Variants in FGF13 observed in about 807,000 individuals in gnomAD.
The protein encoded by FGF13 is fibroblast growth factor homologous factor 2.
FGF13 carries 2 observed loss-of-function variants against 19.5 expected under a neutral mutation model. The observed-to-expected ratio is 0.10, with a 90% confidence interval of 0.04 to 0.32. The LOEUF is 0.32. FGF13 is among the 10% of genes least tolerant of loss of function. The pLI is 1.00. For synonymous variants in FGF13, 72 were observed against 76.9 expected, an observed-to-expected ratio of 0.94 and a Z score of 0.33; for missense variants, 113 against 192.7, an observed-to-expected ratio of 0.59 and a Z score of 2.45.
At chrX:139,203,243 G>A (rs1174887492) in intron 1 of FGF13, among the ~76,000 whole-genome samples, 1 of 111,369 alleles carries the variant, frequency 9.0e-6, no homozygotes, top group African/African-American at 3.3e-5. Context: ...GGTGCCCCGG[G>A]CGCGGTGGCT....
At chrX:138,679,239 G>A (rs970667795) in intron 3 of FGF13, among the ~76,000 whole-genome samples, 3 of 109,899 alleles carry the variant, frequency 2.7e-5, no homozygotes, top group Non-Finnish European at 3.8e-5. Flanking sequence ...ACCACACCCC[G>A]CTAATTTTTT....
intron 1 of FGF13, among the ~76,000 whole-genome samples, chrX:139,066,107 A>G (rs2092355435): frequency 1.8e-5 from 2 of 111,915 alleles, no homozygotes; most frequent in Non-Finnish European, 1.9e-5. Flanking sequence ...AGAAATAAAG[A>G]TGTTCTTTGA....
At chrX:138,685,325 T>C (rs1206491106) in intron 3 of FGF13, among the ~76,000 whole-genome samples, 2 of 111,038 alleles carry the variant, frequency 1.8e-5, no homozygotes, top group African/African-American at 6.5e-5. Flanking sequence ...TAAAGAAAAG[T>C]TATTGTATCT....
chrX:139,010,407 A>G (rs1286500568), intron 1 of FGF13, among the ~76,000 whole-genome samples: 2 of 111,896 alleles, frequency 1.8e-5, no homozygotes, highest in African/African-American at 3.2e-5. Flanking sequence ...ATAGGCCACA[A>G]AACAAATCTC....
intron 1 of FGF13, among the ~76,000 whole-genome samples, chrX:138,969,868 C>T (rs953954407): frequency 1.8e-5 from 2 of 111,869 alleles, no homozygotes; most frequent in South Asian, 7.5e-4. Context: ...TCAATCAAAT[C>T]TGTTTTTGAT....
intron 1 of FGF13, among the ~76,000 whole-genome samples, chrX:138,915,919 G>A (rs1289704050): frequency 8.9e-6 from 1 of 111,859 alleles, no homozygotes; most frequent in Non-Finnish European, 1.9e-5. Context: ...AAGTTCTTCT[G>A]GTCCTAGTAC....
At chrX:139,159,655 C>CAAAAAAAAAAAAAAAAAAAA (rs550001786) in intron 1 of FGF13, among the ~76,000 whole-genome samples, 10 of 51,654 alleles carry the variant, frequency 1.9e-4, no homozygotes, top group African/African-American at 4.5e-4. Context: ...AAAGAGAAAG[C>CAAAAAAAAAAAAAAAAAAAA]AAAAAAAAAA....
At chrX:138,820,877 C>T (rs774839272) in intron 3 of FGF13, among the ~76,000 whole-genome samples, 1 of 110,904 alleles carries the variant, frequency 9.0e-6, no homozygotes, top group African/African-American at 3.3e-5. Context: ...TAGTCCAGTG[C>T]ATTTAAAGTA....
chrX:138,818,965 C>T (rs2090980920), intron 3 of FGF13, among the ~76,000 whole-genome samples: 1 of 111,638 alleles, frequency 9.0e-6, no homozygotes, highest in Non-Finnish European at 1.9e-5. Context: ...TTGGGCAAGT[C>T]ATTCAGCCTC....
chrX:138,708,207 A>T (rs944048715), intron 2 of FGF13, among the ~76,000 whole-genome samples: 5 of 112,548 alleles, frequency 4.4e-5, no homozygotes, highest in Non-Finnish European at 3.8e-5. Flanking sequence ...TCTTTCAGTA[A>T]TTGGAAATAA....
intron 3 of FGF13, among the ~76,000 whole-genome samples, chrX:138,660,997 A>C (rs1315288409): frequency 9.0e-6 from 1 of 111,702 alleles, no homozygotes; most frequent in Non-Finnish European, 1.9e-5. Flanking sequence ...GTCCAACAGA[A>C]ACACATTTGA....
chrX:138,663,416 T>C (rs1262012449), intron 3 of FGF13, among the ~76,000 whole-genome samples: 1 of 111,456 alleles, frequency 9.0e-6, no homozygotes, highest in East Asian at 2.9e-4. Context: ...TGATTATTTA[T>C]ATACACAGAT....
intron 3 of FGF13, among the ~76,000 whole-genome samples, chrX:138,750,831 T>C (rs938132140): frequency 3.6e-5 from 4 of 110,034 alleles, no homozygotes; most frequent in African/African-American, 1.3e-4. Context: ...GGTGTGGAGA[T>C]GGATGAGCTG....
At chrX:138,753,621 A>C (rs915269213) in intron 3 of FGF13, among the ~76,000 whole-genome samples, 1 of 111,907 alleles carries the variant, frequency 8.9e-6, no homozygotes, top group African/African-American at 3.2e-5. Context: ...AAATCTGGTA[A>C]ATTTCTGAGT....
intron 3 of FGF13, among the ~76,000 whole-genome samples, chrX:138,701,596 G>C (rs1362247632): frequency 8.9e-6 from 1 of 112,211 alleles, no homozygotes; most frequent in Non-Finnish European, 1.9e-5. Flanking sequence ...CAGGGTTTGA[G>C]GTATATGCTG....
intron 1 of FGF13, among the ~76,000 whole-genome samples, chrX:139,032,002 G>A (rs1240740366): frequency 9.0e-6 from 1 of 111,218 alleles, no homozygotes; most frequent in Non-Finnish European, 1.9e-5. Context: ...CATAAAGACA[G>A]CAAACCTAGG....
intron 1 of FGF13, among the ~76,000 whole-genome samples, chrX:138,966,795 A>T (rs753961598): frequency 9.2e-4 from 103 of 111,361 alleles, no homozygotes; most frequent in Non-Finnish European, 2.1e-4. Flanking sequence ...TCCCACCCAA[A>T]TCTCACCTTG....
At chrX:138,748,663 C>T (rs1175329966) in intron 3 of FGF13, among the ~76,000 whole-genome samples, 2 of 111,572 alleles carry the variant, frequency 1.8e-5, no homozygotes, top group African/African-American at 3.3e-5. Flanking sequence ...TTTCAAACAA[C>T]GCCACCTAGA....
chrX:138,912,226 C>T (rs1482497171), intron 1 of FGF13, among the ~76,000 whole-genome samples: 4 of 112,018 alleles, frequency 3.6e-5, no homozygotes, highest in African/African-American at 6.5e-5. Flanking sequence ...CCTTTATCTA[C>T]TGAGAATACA....
Sources: gnomAD v4.1 joint callset for allele counts (sites outside exome capture counted in the v4.1 genomes callset) on GRCh38, gnomAD v4.1.1 for gene constraint, MANE v1.5 for transcripts, NCBI Gene and HGNC (gene_info 2026-07-23, HGNC 2026-07-21) for gene names.